Variants in KIAA1217 observed in about 807,000 individuals in gnomAD.
The protein encoded by KIAA1217 is KIAA1217.
A neutral mutation model predicts 163.9 loss-of-function variants in KIAA1217; 88 were observed. The ratio of observed to expected loss-of-function variants is 0.54; its 90% CI spans 0.45 to 0.64. KIAA1217 has a LOEUF of 0.64. Ranked by LOEUF, KIAA1217 falls within the 30% of genes least tolerant of loss-of-function variation. KIAA1217 has a pLI of 0.00. For missense variants in KIAA1217, 2,372 were observed against 2,475.0 expected, an observed-to-expected ratio of 0.96 and a Z score of 0.88; for synonymous variants, 903 against 923.1, an observed-to-expected ratio of 0.98 and a Z score of 0.39.
intron 2 of KIAA1217, among the ~76,000 whole-genome samples, chr10:24,292,404 C>G (rs972013982): frequency 1.1e-4 from 17 of 152,228 alleles, no homozygotes; most frequent in South Asian, 6.2e-4. Context: ...GCCACACAAA[C>G]TTTCTTGAAA....
intron 2 of KIAA1217, among the ~76,000 whole-genome samples, chr10:24,287,677 A>G (rs2078677979): frequency 2.6e-5 from 4 of 152,186 alleles, no homozygotes. Flanking sequence ...TTAGCCTGTT[A>G]GTAGAAGTGG....
At chr10:23,880,200 G>A (rs1346722264) in intron 1 of KIAA1217, among the ~76,000 whole-genome samples, 1 of 151,898 alleles carries the variant, frequency 6.6e-6, no homozygotes, top group East Asian at 1.9e-4. Flanking sequence ...AGCAACCTAT[G>A]TGTCCATCAA....
intron 3 of KIAA1217, among the ~76,000 whole-genome samples, chr10:24,385,308 T>C (rs1050056655): frequency 6.6e-6 from 1 of 152,192 alleles, no homozygotes; most frequent in Admixed American, 6.5e-5. Flanking sequence ...CTGGGAGAAA[T>C]GCAGGAAGGC....
At chr10:23,844,211 T>C (rs1361959402) in intron 1 of KIAA1217, among the ~76,000 whole-genome samples, 1 of 152,202 alleles carries the variant, frequency 6.6e-6, no homozygotes, top group Non-Finnish European at 1.5e-5. Context: ...GTTGCCACTT[T>C]GTTTTTCCTA....
chr10:23,980,733 G>A (rs1845729379), intron 1 of KIAA1217, among the ~76,000 whole-genome samples: 1 of 152,194 alleles, frequency 6.6e-6, no homozygotes. Context: ...TTCTACAGGC[G>A]AATCAGCTCA....
At chr10:24,191,884 G>T (rs1428466119) in intron 2 of KIAA1217, among the ~76,000 whole-genome samples, 1 of 152,190 alleles carries the variant, frequency 6.6e-6, no homozygotes, top group Non-Finnish European at 1.5e-5. Context: ...CTCCCAAGTA[G>T]CTGGGACTAC....
intron 2 of KIAA1217, among the ~76,000 whole-genome samples, chr10:24,280,542 T>G (rs1472128733): frequency 6.6e-6 from 1 of 152,240 alleles, no homozygotes; most frequent in Non-Finnish European, 1.5e-5. Flanking sequence ...CCGGGCGTGG[T>G]GACTCATGCC....
intron 10 of KIAA1217, among the ~76,000 whole-genome samples, chr10:24,518,787 A>G (rs1429443030): frequency 1.3e-5 from 2 of 152,218 alleles, no homozygotes; most frequent in Non-Finnish European, 2.9e-5. Context: ...TGTTCACAGA[A>G]CACTGGGCCC....
Position 24,291,715 on chromosome 10 carries a change from T to C in KIAA1217, c.354+71806T>C, listed in dbSNP as rs188627163. On this transcript the variant is annotated intron_variant, in intron 2 of 20. Coordinates refer to ENST00000376454, the MANE Select transcript of KIAA1217 (RefSeq NM_019590.5). ...ACCATTTTTTTATACCACCATAGAG[T>C]TGACAAACAGCATTCACCCATTTCA... Among the ~76,000 whole-genome samples the C allele has an allele frequency of 3.3e-5, 5 of 152,104 alleles. No individual in the cohort carries two copies. The East Asian group carries it at 7.7e-4, about 24-fold the overall frequency.
chr10:24,119,956 A>G (rs2063215052), intron 2 of KIAA1217, among the ~76,000 whole-genome samples: 1 of 152,212 alleles, frequency 6.6e-6, no homozygotes, highest in Non-Finnish European at 1.5e-5. Context: ...GGAGAAAGAC[A>G]ATGGGTGAAA....
chr10:24,115,016 G>A (rs988661441), intron 2 of KIAA1217, among the ~76,000 whole-genome samples: 1 of 152,192 alleles, frequency 6.6e-6, no homozygotes, highest in Non-Finnish European at 1.5e-5. Flanking sequence ...TTTTCAGGAA[G>A]GTTCTCTCTA....
intron 17 of KIAA1217, among the ~76,000 whole-genome samples, chr10:24,538,804 G>A (rs1468383424): frequency 5.9e-5 from 8 of 135,366 alleles, no homozygotes; most frequent in Non-Finnish European, 9.2e-5. Flanking sequence ...ACGTGGTCTC[G>A]GCTCACTGCA....
At chr10:24,049,517 C>T (rs1028699343) in intron 2 of KIAA1217, among the ~76,000 whole-genome samples, 6 of 152,086 alleles carry the variant, frequency 3.9e-5, no homozygotes, top group African/African-American at 1.4e-4. Flanking sequence ...ATCAACCTGT[C>T]ACTTACATTA....
chr10:23,972,194 G>A, intron 1 of KIAA1217, among the ~76,000 whole-genome samples: 1 of 152,200 alleles, frequency 6.6e-6, no homozygotes, highest in Admixed American at 6.5e-5. Flanking sequence ...CATTGTGGAA[G>A]ACAGTATGGC....
chr10:24,278,510 C>G (rs1448985362), intron 2 of KIAA1217, among the ~76,000 whole-genome samples: 5 of 152,162 alleles, frequency 3.3e-5, no homozygotes. Flanking sequence ...AAGCATGTGG[C>G]AAGTGGCAGA....
At chr10:23,945,288 C>T (rs981018667) in intron 1 of KIAA1217, among the ~76,000 whole-genome samples, 2 of 152,208 alleles carry the variant, frequency 1.3e-5, no homozygotes, top group East Asian at 1.9e-4. Context: ...TGGAACACAA[C>T]ACAGCAATAA....
intron 6 of KIAA1217, among the ~76,000 whole-genome samples, chr10:24,479,781 A>C (rs1312570512): frequency 2.6e-5 from 4 of 152,226 alleles, no homozygotes; most frequent in Non-Finnish European, 5.9e-5. Flanking sequence ...AAGTGAACCC[A>C]GGCAAAGAGG....
At chr10:24,201,798 G>A (rs1056291758) in intron 2 of KIAA1217, among the ~76,000 whole-genome samples, 3 of 152,164 alleles carry the variant, frequency 2.0e-5, no homozygotes, top group African/African-American at 7.2e-5. Context: ...TGGCTTTCAA[G>A]AATTCTATAA....
chr10:24,461,137 A>G (rs2062359883), intron 5 of KIAA1217, among the ~76,000 whole-genome samples: 1 of 152,156 alleles, frequency 6.6e-6, no homozygotes, highest in Non-Finnish European at 1.5e-5. Context: ...TTACACTGCA[A>G]TTGTATAGTG....
Sources: gnomAD v4.1 joint callset for allele counts (sites outside exome capture counted in the v4.1 genomes callset) on GRCh38, gnomAD v4.1.1 for gene constraint, MANE v1.5 for transcripts, NCBI Gene and HGNC (gene_info 2026-07-23, HGNC 2026-07-21) for gene names.